Variants in ZFP57 observed in about 807,000 individuals in gnomAD.
ZFP57 encodes ZFP57 zinc finger protein, also known as zinc finger protein 57 homolog.
In ZFP57, 12 loss-of-function variants were observed where a neutral mutation model predicts 15.8. That is an observed-to-expected ratio of 0.76 (90% CI 0.49 to 1.23). The LOEUF is 1.23. Ranked by LOEUF, ZFP57 falls within the 50% of genes most tolerant of loss-of-function variation. ZFP57 has a pLI of 0.00. For synonymous variants in ZFP57, 203 were observed against 242.3 expected (o/e 0.84, Z 1.51); for missense variants, 536 against 654.9 (o/e 0.82, Z 1.98).
At position 29,672,963 on chromosome 6, in the gene ZFP57, A is replaced by C. The variant is rs747496113; in HGVS notation, c.1148T>G (p.Val383Gly). ...SHPVKPSRLN[V>G]FCCPHCSLTF... The stretch of plus-strand genomic sequence containing the variant: ...CAAAGAACAATGGGGGCAACAGAAG[A>C]CATTGAGTCTTGAGGGCTTCACTGG... The change falls in exon 5 of 5, where the codon GTC becomes GGC. Residue 383 changes from valine (V) to glycine (G), a missense_variant. By Grantham distance (109) the Val-to-Gly change is moderately radical. Transcript: ENST00000376883. The C allele has an allele frequency of 6.8e-6, 11 of 1,613,072 alleles. No homozygotes were observed. The highest frequency in any genetic ancestry group is 9.3e-6 in the Non-Finnish European group (11 of 1,180,046).
At chr6:29,674,178 G>C (rs1246513864) in intron 4 of ZFP57, among the ~76,000 whole-genome samples, 1 of 150,018 alleles carries the variant, frequency 6.7e-6, no homozygotes, top group Non-Finnish European at 1.5e-5. Flanking sequence ...AGAAGAAGAA[G>C]AAGAAGGAAG....
At chr6:29,675,172 A>G (rs9257941) in intron 4 of ZFP57, among the ~76,000 whole-genome samples, 1 of 136,002 alleles carries the variant, frequency 7.4e-6, no homozygotes, top group African/African-American at 2.6e-5. Flanking sequence ...AAAAAAAAAA[A>G]AAGAGAGAGA....
rs1023184421 is a variant in ZFP57 at position 29,672,648 on chromosome 6, T to A, written c.1463A>T (p.Asp488Val). The stretch of plus-strand genomic sequence containing the variant: ...TTCCTCCCCAGCCATAGTGGGGACA[T>A]CATGAGAGAAGCCAAGCCACTGGCC... ...ILGQWLGFSHDVPTMAGEEWK... is the reference protein window; with the variant it reads ...ILGQWLGFSHVVPTMAGEEWK... The change falls in exon 5 of 5, where the codon GAT becomes GTT. Residue 488 changes from aspartate (D) to valine (V), a missense_variant. Asp to Val is a radical substitution (Grantham distance 152). Coordinates refer to ENST00000376883, the MANE Select transcript of ZFP57 (RefSeq NM_001109809.5). The A allele has an allele frequency of 2.5e-6, 4 of 1,611,258 alleles. No homozygotes were observed. The highest frequency in any genetic ancestry group is 1.7e-6 in the Non-Finnish European group (2 of 1,178,642).
rs1209685547 is a variant in ZFP57 at position 29,672,784 on chromosome 6, G to A, written c.1327C>T (p.Pro443Ser). The A allele has an allele frequency of 1.2e-6, 2 of 1,612,914 alleles. No individual in the cohort carries two copies. Among genetic ancestry groups the A allele is most frequent in the African/African-American group, 2.7e-5 (2 of 74,898 alleles). The part of the protein sequence containing the change: ...THWKQKSYLC[P>S]ICDLSFGEKE... The stretch of plus-strand genomic sequence containing the variant: ...TCCCCAAAGGAGAGGTCACAGATAG[G>A]GCAAAGGTAGCTCTTCTGCTTCCAG... Residue 443 changes from proline (P) to serine (S), a missense_variant, in exon 5 of 5, where the codon CCT becomes TCT. Pro to Ser is a moderately conservative substitution (Grantham distance 74, BLOSUM62 -1). Coordinates refer to ENST00000376883, the MANE Select transcript of ZFP57 (RefSeq NM_001109809.5).
Position 29,672,684 on chromosome 6 carries a change from C to T in ZFP57, c.1427G>A (p.Arg476Gln), listed in dbSNP as rs779374306. The T allele has an allele frequency of 1.1e-5, 18 of 1,612,326 alleles. No homozygotes were observed. The African/African-American group carries it at 1.2e-4, about 11-fold the overall frequency. ...DLCQSSHHKC[R>Q]VILGQWLGFS... is the part of the protein sequence containing the mutation. ...GCCAAGCCACTGGCCCAGGATCACC[C>T]GGCATTTATGGTGGCTGCTCTGGCA... is the stretch of plus-strand genomic sequence containing the variant. Residue 476 changes from arginine (R) to glutamine (Q), a missense_variant, in exon 5 of 5, where the codon CGG (arginine) becomes CAG (glutamine). Physicochemically the swap from Arg to Gln is conservative, Grantham distance 43 (BLOSUM62 1). Transcript: ENST00000376883.
In ZFP57 at chr6:29,676,051, G is replaced by T. The variant is rs371178364; in HGVS notation, c.132C>A (p.Val44=). The change falls in exon 3 of 5, where the codon GTC becomes GTA. Residue 44 remains valine (V), a synonymous_variant. Coordinates refer to ENST00000376883, the MANE Select transcript of ZFP57 (RefSeq NM_001109809.5). The stretch of plus-strand genomic sequence containing the variant: ...AATTCACTGCCACATCCTCAAAGGT[G>T]ACTGGCTTCTGGAAGAACAGGAGAG... The part of the protein sequence containing the change: ...WREARVKKKP[V]TFEDVAVNFT... 21 of 1,610,670 alleles carry T rather than the reference G, an allele frequency of 1.3e-5. No homozygotes were observed. Among genetic ancestry groups the T allele is most frequent in the Non-Finnish European group, 1.8e-5 (21 of 1,179,382 alleles).
chr6:29,676,947 G>T lies in ZFP57; in HGVS notation c.57C>A (p.Gly19=), dbSNP rs772067986. The T allele has an allele frequency of 3.1e-6, 5 of 1,614,026 alleles. No homozygotes were observed. The highest frequency in any genetic ancestry group is 4.2e-6 in the Non-Finnish European group (5 of 1,180,028). The stretch of plus-strand genomic sequence containing the variant: ...CTTCCTGCAGGGTGGCAGCTACCTC[G>T]CCCACCCATGGGAGCGTCTTCTGTA... ...EPVQKTLPWV[G]EVAATLQEAM... is the part of the protein sequence containing the mutation. The change falls in exon 2 of 5, where the codon GGC becomes GGA. Residue 19 remains glycine (G), a synonymous_variant. Coordinates refer to ENST00000376883, the MANE Select transcript of ZFP57 (RefSeq NM_001109809.5).
At chr6:29,676,183 A>G in intron 2 of ZFP57, 124 bp from the exon 3 acceptor site, 1 of 1,054,286 alleles carries the variant, frequency 9.5e-7, no homozygotes, top group Non-Finnish European at 1.4e-6. Context: ...GAAAGATAAA[A>G]CCATGGAAGG....
Position 29,674,207 on chromosome 6 carries a change from AAAG to A in ZFP57, c.353-452_353-450del, listed in dbSNP as rs10636075. The stretch of plus-strand genomic sequence containing the variant: ...AAGGAAGAAGAAGAAGAAGAAAAGA[AAAG>A]AAGAAGAAGAAGAAGACGAAGACGA... On this transcript the variant is annotated intron_variant, in intron 4 of 4. Coordinates refer to ENST00000376883, the MANE Select transcript of ZFP57 (RefSeq NM_001109809.5). Among the ~76,000 whole-genome samples the A allele has an allele frequency of 1.9e-3, 274 of 146,966 alleles. 3 individuals carry two copies. Among genetic ancestry groups the A allele is most frequent in the East Asian group, 0.017 (87 of 5,060 alleles).
chr6:29,672,416 C>G, downstream of ZFP57: 2 of 1,498,110 alleles, frequency 1.3e-6, no homozygotes, highest in Non-Finnish European at 1.9e-6. Flanking sequence ...ACGCACCTGT[C>G]TCCCTCTACT....
intron 1 of ZFP57, among the ~76,000 whole-genome samples, chr6:29,680,821 T>C (rs1378626067): frequency 6.6e-6 from 1 of 152,114 alleles, no homozygotes; most frequent in Non-Finnish European, 1.5e-5. Context: ...GCCGACTTTT[T>C]CAACACGTGC....
At chr6:29,674,819 T>C (rs1277351259) in intron 4 of ZFP57, among the ~76,000 whole-genome samples, 1 of 152,058 alleles carries the variant, frequency 6.6e-6, no homozygotes, top group African/African-American at 2.4e-5. Flanking sequence ...CATCTCTCAA[T>C]CTCTAGAAAC....
Position 29,673,596 on chromosome 6 carries a change from C to A in ZFP57, c.515G>T (p.Gly172Val). The change falls in exon 5 of 5, where the codon GGG becomes GTG. Residue 172 changes from glycine to valine, a missense_variant. Coordinates refer to ENST00000376883, the MANE Select transcript of ZFP57 (RefSeq NM_001109809.5). This position sits in a 1 kb window ranked among gnomAD's most constrained non-coding sequence, Gnocchi z 4.7. ...RTRVLQASQA[G>V]PPFFCYTCGK... ...ACAGGTGTAGCAAAAAAAGGGTGGC[C>A]CAGCCTGGGATGCTTGAAGCACCCG... 6.2e-7 allele frequency: 1 copy of A among 1,612,974 alleles called. No homozygotes were observed. The highest frequency in any genetic ancestry group is 8.5e-7 in the Non-Finnish European group (1 of 1,180,002).
At position 29,672,929 on chromosome 6, in the gene ZFP57, G is replaced by A. The variant is rs1771781626; in HGVS notation, c.1182C>T (p.Ser394=). 1.9e-6 allele frequency: 3 copies of A among 1,612,938 alleles called. No homozygotes were observed. In the Admixed American group the frequency reaches 5.0e-5, roughly 27 times the overall value. The change falls in exon 5 of 5, where the codon AGC becomes AGT. Residue 394 remains serine, a synonymous_variant. Coordinates refer to ENST00000376883, the MANE Select transcript of ZFP57 (RefSeq NM_001109809.5). ...GGTGTCTGGAGAGATAGGATTTCTT[G>A]CTAAAAGTCAAAGAACAATGGGGGC... is the stretch of plus-strand genomic sequence containing the variant. The part of the protein sequence containing the change: ...FCCPHCSLTF[S]KKSYLSRHQK...
Position 29,672,950 on chromosome 6 carries a change from G to A in ZFP57, c.1161C>T (p.Pro387=), listed in dbSNP as rs758744824. ...KPSRLNVFCC[P]HCSLTFSKKS... is the part of the protein sequence containing the mutation. ...TCTTGCTAAAAGTCAAAGAACAATGGGGGCAACAGAAGACATTGAGTCTTG... is the reference window on the plus strand; with the variant it reads ...TCTTGCTAAAAGTCAAAGAACAATGAGGGCAACAGAAGACATTGAGTCTTG... The change falls in exon 5 of 5, where the codon CCC becomes CCT. Residue 387 remains proline (P), a synonymous_variant. Transcript: ENST00000376883. 1.9e-6 allele frequency: 3 copies of A among 1,613,036 alleles called. No individual in the cohort carries two copies. The highest frequency in any genetic ancestry group is 1.7e-6 in the Non-Finnish European group (2 of 1,180,032).
chr6:29,674,969 A>G (rs977866825), intron 4 of ZFP57, among the ~76,000 whole-genome samples: 2 of 152,058 alleles, frequency 1.3e-5, no homozygotes, highest in African/African-American at 4.8e-5. Flanking sequence ...CCTGGCCAAC[A>G]TGGTGAAACC....
chr6:29,673,654 G>T lies in ZFP57; in HGVS notation c.457C>A (p.Leu153Ile). 6.2e-7 allele frequency: 1 copy of T among 1,612,846 alleles called. No individual in the cohort carries two copies. The highest frequency in any genetic ancestry group is 1.1e-5 in the South Asian group (1 of 91,050). ...TCCATAGTCCCAGCTGGGGCAGATA[G>T]GGGGCACTGGCCGGCCCCTCTGCAT... ...LACRGAGQCP[L>I]SAPAGTMDRT... The change falls in exon 5 of 5, where the codon CTA (leucine) becomes ATA (isoleucine). Residue 153 changes from leucine to isoleucine, a missense_variant. By Grantham distance (5) the Leu-to-Ile change is conservative. Coordinates refer to ENST00000376883, the MANE Select transcript of ZFP57 (RefSeq NM_001109809.5). The surrounding 1 kb of genome is among the most constrained non-coding windows in gnomAD (Gnocchi z 4.7).
At chr6:29,677,390 A>G in intron 1 of ZFP57, 24 bp from the exon 2 acceptor site, 1 of 300,130 alleles carries the variant, frequency 3.3e-6, no homozygotes, top group Non-Finnish European at 6.5e-6. Context: ...AAAACAAAAC[A>G]TATCAGCAAG....
Position 29,676,990 on chromosome 6 carries a change from A to G in ZFP57, c.14T>C (p.Leu5Pro). 6.2e-7 allele frequency: 1 copy of G among 1,614,194 alleles called. No homozygotes were observed. MFEQ[L>P]KPIEPVQKTL... ...CTTCTGTACAGGTTCGATTGGCTTCAGCTGTTCAAACATCTTCTCTTCTGT... is the reference window on the plus strand; with the variant it reads ...CTTCTGTACAGGTTCGATTGGCTTCGGCTGTTCAAACATCTTCTCTTCTGT... The change falls in exon 2 of 5, where the codon CTG (leucine) becomes CCG (proline). Residue 5 changes from leucine (L) to proline (P), a missense_variant. Coordinates refer to ENST00000376883, the MANE Select transcript of ZFP57 (RefSeq NM_001109809.5).
Sources: gnomAD v4.1 joint callset for allele counts (sites outside exome capture counted in the v4.1 genomes callset) on GRCh38, gnomAD v4.1.1 for gene constraint, Gnocchi (gnomAD v3.1) non-coding constraint, MANE v1.5 for transcripts, NCBI Gene and HGNC (gene_info 2026-07-23, HGNC 2026-07-21) for gene names.